The following ABCC2 variants were observed in gnomAD, a reference collection of about 807,000 sequenced individuals.
The protein encoded by ABCC2 is ATP-binding cassette sub-family C member 2.
ABCC2 carries 157 observed loss-of-function variants against 173.4 expected under a neutral mutation model. That is an observed-to-expected ratio of 0.91 (90% CI 0.80 to 1.03). The LOEUF (loss-of-function observed/expected upper bound fraction) is 1.03. ABCC2 is among the 50% of genes least tolerant of loss of function. The pLI, the probability that ABCC2 is intolerant of heterozygous loss-of-function variation, is 0.00. For missense variants in ABCC2, 1,822 were observed against 1,852.3 expected, an observed-to-expected ratio of 0.98 and a Z score of 0.30; for synonymous variants, 657 against 693.5, an observed-to-expected ratio of 0.95 and a Z score of 0.83.
At chr10:99,828,545 C>T (rs1056231015) in intron 19 of ABCC2, among the ~76,000 whole-genome samples, 20 of 152,142 alleles carry the variant, frequency 1.3e-4, no homozygotes, top group Non-Finnish European at 2.1e-4. Context: ...GCCTAGTTTC[C>T]GGTGGTTTGG....
rs759584367 is a variant in ABCC2, at chr10:99,805,463, T to C, written c.1530+16T>C. ...TGGAATCAAGGTGAGAATCTGAGCG[T>C]AGGTGGCTCTCTGTGGGTAAGGACA... On this transcript the variant is annotated intron_variant, in intron 11 of 31. Transcript: ENST00000647814. 2 of 1,612,948 alleles carry C rather than the reference T, an allele frequency of 1.2e-6. No homozygotes were observed. Among genetic ancestry groups the C allele is most frequent in the South Asian group, 2.2e-5 (2 of 91,032 alleles).
Position 99,844,357 on chromosome 10 carries a change from T to C in ABCC2, c.3879T>C (p.Asp1293=). The C allele has an allele frequency of 6.2e-7, 1 of 1,614,232 alleles. No homozygotes were observed. Among genetic ancestry groups the C allele is most frequent in the Non-Finnish European group, 8.5e-7 (1 of 1,180,040 alleles). ...PWVTDKRPPP[D]WPSKGKIQFN... is the part of the protein sequence containing the mutation. ...TGACTGATAAGAGGCCTCCGCCAGA[T>C]TGGCCCAGCAAAGGCAAGATCCAGT... Residue 1293 remains aspartate, a synonymous_variant, in exon 28 of 32, where the codon GAT becomes GAC. Coordinates refer to ENST00000647814, the MANE Select transcript of ABCC2 (RefSeq NM_000392.5).
At position 99,797,128 on chromosome 10, in the gene ABCC2, A is replaced by G; in HGVS notation, c.664A>G (p.Thr222Ala). The change falls in exon 7 of 32, where the codon ACA (threonine) becomes GCA (alanine). Residue 222 changes from threonine (T) to alanine (A), a missense_variant. Physicochemically the swap from Thr to Ala is moderately conservative, Grantham distance 58. Transcript: ENST00000647814. The part of the protein sequence containing the change: ...IILKGYKRPL[T>A]LEDVWEVDEE... ...TCTGAAAGGCTACAAGCGTCCTCTGACACTCGAGGATGTCTGGGAAGTTGA... is the reference window on the plus strand; with the variant it reads ...TCTGAAAGGCTACAAGCGTCCTCTGGCACTCGAGGATGTCTGGGAAGTTGA... 6.2e-7 allele frequency: 1 copy of G among 1,614,152 alleles called. No homozygotes were observed. Among genetic ancestry groups the G allele is most frequent in the African/African-American group, 1.3e-5 (1 of 75,052 alleles).
intron 30 of ABCC2, among the ~76,000 whole-genome samples, chr10:99,847,752 C>G (rs2039038715): frequency 6.6e-6 from 1 of 151,952 alleles, no homozygotes; most frequent in South Asian, 2.1e-4. Flanking sequence ...AACCCCGTCT[C>G]ACTAAAAATA....
chr10:99,844,403 T>A lies in ABCC2; in HGVS notation c.3925T>A (p.Tyr1309Asn). The A allele has an allele frequency of 6.2e-7, 1 of 1,614,214 alleles. No homozygotes were observed. Among genetic ancestry groups the A allele is most frequent in the Non-Finnish European group, 8.5e-7 (1 of 1,180,032 alleles). Residue 1309 changes from tyrosine (Y) to asparagine (N), a missense_variant, in exon 28 of 32, where the codon TAC becomes AAC. Tyr to Asn is a moderately radical substitution (Grantham distance 143). Coordinates refer to ENST00000647814, the MANE Select transcript of ABCC2 (RefSeq NM_000392.5). ...KIQFNNYQVR[Y>N]RPELDLVLRG... ...CCAGTTTAACAACTACCAAGTGCGGTACCGACCTGAGCTGGATCTGGTCCT... is the reference window on the plus strand; with the variant it reads ...CCAGTTTAACAACTACCAAGTGCGGAACCGACCTGAGCTGGATCTGGTCCT...
chr10:99,849,134 G>A (rs2039055734), intron 30 of ABCC2, among the ~76,000 whole-genome samples: 1 of 152,210 alleles, frequency 6.6e-6, no homozygotes. Flanking sequence ...GGAGGCTGAG[G>A]CAGGAGAATC....
chr10:99,808,953 A>T (rs1590158657), intron 13 of ABCC2, among the ~76,000 whole-genome samples: 2 of 152,218 alleles, frequency 1.3e-5, no homozygotes, highest in African/African-American at 4.8e-5. Context: ...TTGGCAGGTA[A>T]AGAAGCAACA....
In ABCC2 at chr10:99,793,918, C is replaced by T; in HGVS notation, c.495C>T (p.Ser165=). 6.2e-7 allele frequency: 1 copy of T among 1,613,968 alleles called. No homozygotes were observed. The highest frequency in any genetic ancestry group is 8.5e-7 in the Non-Finnish European group (1 of 1,179,908). The change falls in exon 5 of 32, where the codon TCC becomes TCT. Residue 165 remains serine (S), a synonymous_variant. Transcript: ENST00000647814. ...LQGDNSNLAY[S]CLFFISYGFQ... ...GTGACAATTCTAATCTAGCCTACTC[C>T]TGCCTGTTCTTCATCTCCTACGGAT... is the stretch of plus-strand genomic sequence containing the variant.
Position 99,847,016 on chromosome 10 carries a change from A to G in ABCC2, c.4202A>G (p.Tyr1401Cys). ...LRMNLDPFNN[Y>C]SDEEIWKALE... ...ATGAATCTCGACCCTTTCAACAACT[A>G]CTCAGATGAGGAGATTTGGAAGGCC... Residue 1401 changes from tyrosine (Y) to cysteine (C), a missense_variant, in exon 30 of 32, where the codon TAC (tyrosine) becomes TGC (cysteine). Transcript: ENST00000647814. 6.2e-7 allele frequency: 1 copy of G among 1,613,908 alleles called. No homozygotes were observed. Among genetic ancestry groups the G allele is most frequent in the Non-Finnish European group, 8.5e-7 (1 of 1,179,988 alleles).
rs141647159 is a variant in ABCC2 at position 99,805,900 on chromosome 10, G to T, written c.1530+453G>T. On this transcript the variant is annotated intron_variant, in intron 11 of 31. Coordinates refer to ENST00000647814, the MANE Select transcript of ABCC2 (RefSeq NM_000392.5). ...TTTTAAAAATATAGCCACAATACCA[G>T]TATCATACCTACAAAAAAAATTAAC... is the stretch of plus-strand genomic sequence containing the variant. 6.5e-3 allele frequency among the ~76,000 whole-genome samples: 991 copies of T among 152,152 alleles called. 7 individuals are homozygous for T. The highest frequency in any genetic ancestry group is 0.022 in the African/African-American group (920 of 41,504).
At chr10:99,797,386 C>T (rs2037936536) in intron 7 of ABCC2, 55 bp downstream of exon 7, 1 of 1,467,180 alleles carries the variant, frequency 6.8e-7, no homozygotes, top group African/African-American at 1.4e-5. Context: ...GGCAAGGGTA[C>T]ATCAGCATCA....
intron 24 of ABCC2, among the ~76,000 whole-genome samples, chr10:99,835,263 G>A (rs538637605): frequency 3.9e-5 from 6 of 152,202 alleles, no homozygotes; most frequent in Admixed American, 6.5e-5. Flanking sequence ...TTGGCGGCTC[G>A]CCCCCATGTC....
chr10:99,818,667 T>C lies in ABCC2; in HGVS notation c.2272-123T>C. Reference sequence around the variant, plus strand: ...AGTTCTTTATTTGTATAAAGGAACTTGTAAGATTTTTAACCCCTTGACACC... The same window carrying C: ...AGTTCTTTATTTGTATAAAGGAACTCGTAAGATTTTTAACCCCTTGACACC... On this transcript the variant is annotated intron_variant, in intron 17 of 31. Coordinates refer to ENST00000647814, the MANE Select transcript of ABCC2 (RefSeq NM_000392.5). The C allele has an allele frequency of 7.4e-6, 7 of 947,590 alleles. No homozygotes were observed. In the South Asian group the frequency reaches 1.1e-4, roughly 14 times the overall value. 58.7% of individuals were successfully genotyped at this position (947,590 alleles called of 1,614,324 possible).
At position 99,807,611 on chromosome 10, in the gene ABCC2, G is replaced by T. The variant is rs961903451; in HGVS notation, c.1668+90G>T. 15 of 1,574,160 alleles carry T rather than the reference G, an allele frequency of 9.5e-6. No homozygotes were observed. The African/African-American group carries it at 1.9e-4, about 20-fold the overall frequency. On this transcript the variant is annotated intron_variant, in intron 12 of 31. Transcript: ENST00000647814. The stretch of plus-strand genomic sequence containing the variant: ...AAGTTCACTTTTGATAGACTAGCTG[G>T]CATCTCTAGGCCTGACCGCAAGATC...
chr10:99,847,153 T>C, intron 30 of ABCC2, 26 bp downstream of exon 30: 1 of 1,613,062 alleles, frequency 6.2e-7, no homozygotes, highest in Non-Finnish European at 8.5e-7. Context: ...CTGCTACCCC[T>C]GCAGGCAATG....
At chr10:99,811,999 C>A (rs186313524) in intron 15 of ABCC2, among the ~76,000 whole-genome samples, 4 of 152,358 alleles carry the variant, frequency 2.6e-5, no homozygotes, top group African/African-American at 9.6e-5. Context: ...ACATTGGAAT[C>A]TGGCTTCTCA....
chr10:99,811,671 C>T (rs1306057009), intron 15 of ABCC2, 69 bp downstream of exon 15: 2 of 1,544,644 alleles, frequency 1.3e-6, no homozygotes, highest in African/African-American at 1.4e-5. Flanking sequence ...TCAGAAAATT[C>T]CATGTAATAG....
At chr10:99,795,779 G>T (rs1564672425) in intron 6 of ABCC2, among the ~76,000 whole-genome samples, 2 of 146,842 alleles carry the variant, frequency 1.4e-5, no homozygotes, top group Non-Finnish European at 3.0e-5. Context: ...AAGAAAGAAA[G>T]AAAGAAAGAA....
intron 30 of ABCC2, 142 bp from the exon 31 acceptor site, chr10:99,850,460 A>C: frequency 1.3e-6 from 1 of 776,954 alleles, no homozygotes; most frequent in Non-Finnish European, 2.2e-6. Context: ...AGGTACAGCT[A>C]GTTGAAGAGG....
Sources: gnomAD v4.1 joint callset for allele counts (sites outside exome capture counted in the v4.1 genomes callset) on GRCh38, gnomAD v4.1.1 for gene constraint, MANE v1.5 for transcripts, NCBI Gene and HGNC (gene_info 2026-07-23, HGNC 2026-07-21) for gene names.